MALRD1: variants seen among roughly 807,000 people sequenced by gnomAD.
MALRD1 encodes the protein MAM and LDL receptor class A domain containing 1.
A neutral mutation model predicts 242.1 loss-of-function variants in MALRD1; 247 were observed. The observed-to-expected ratio is 1.02, with a 90% CI of 0.92 to 1.13. The LOEUF (loss-of-function observed/expected upper bound fraction) is 1.13. Among genes scored for constraint, MALRD1 ranks in the 50% most tolerant of loss-of-function variants. The pLI is 0.00. For synonymous variants in MALRD1, 995 were observed against 866.6 expected (o/e 1.15, Z -2.60); for missense variants, 2,989 against 2,533.1 (o/e 1.18, Z -3.86).
At chr10:19,348,834 G>C (rs899076793) in intron 25 of MALRD1, among the ~76,000 whole-genome samples, 1 of 152,146 alleles carries the variant, frequency 6.6e-6, no homozygotes, top group Non-Finnish European at 1.5e-5. Context: ...ACAAGAGATG[G>C]ATACAGAAAT....
chr10:19,681,857 AC>A (rs1243288509), intron 36 of MALRD1, among the ~76,000 whole-genome samples: 2 of 89,356 alleles, frequency 2.2e-5, no homozygotes, highest in Non-Finnish European at 4.0e-5. Flanking sequence ...GGGGAATGTC[AC>A]TTTTTTTTTT....
intron 36 of MALRD1, among the ~76,000 whole-genome samples, chr10:19,685,763 A>C (rs565467957): frequency 6.6e-6 from 1 of 152,302 alleles, no homozygotes; most frequent in East Asian, 1.9e-4. Flanking sequence ...CCTGTTTTAC[A>C]TCAGAGTTGG....
At chr10:19,425,114 CTT>C (rs1833858054) in intron 28 of MALRD1, among the ~76,000 whole-genome samples, 1 of 151,976 alleles carries the variant, frequency 6.6e-6, no homozygotes, top group South Asian at 2.1e-4. Context: ...CATTTTTTCT[CTT>C]TTTGTCTTCC....
intron 12 of MALRD1, among the ~76,000 whole-genome samples, chr10:19,159,858 T>C (rs1452110999): frequency 6.6e-6 from 1 of 152,052 alleles, no homozygotes; most frequent in Admixed American, 6.6e-5. Flanking sequence ...TGTTATTTCC[T>C]TTGGTAGTAA....
At chr10:19,700,589 A>T (rs540638106) in intron 38 of MALRD1, among the ~76,000 whole-genome samples, 1 of 152,314 alleles carries the variant, frequency 6.6e-6, no homozygotes, top group Non-Finnish European at 1.5e-5. Flanking sequence ...GAGTGACTCA[A>T]GTCTTGGTCT....
intron 19 of MALRD1, among the ~76,000 whole-genome samples, chr10:19,269,055 C>T (rs1279707338): frequency 2.0e-5 from 3 of 152,150 alleles, no homozygotes; most frequent in Non-Finnish European, 2.9e-5. Flanking sequence ...TTTGTTTCAT[C>T]GGCAAAGATT....
chr10:19,439,537 C>CA (rs11353528), intron 28 of MALRD1, among the ~76,000 whole-genome samples: 9 of 150,568 alleles, frequency 6.0e-5, no homozygotes, highest in Admixed American at 3.3e-4. Flanking sequence ...GACCCTGTCT[C>CA]AAAAAAAAAG....
At position 19,615,903 on chromosome 10, in the gene MALRD1, GA is replaced by G; in HGVS notation, c.6122del (p.Asn2041MetfsTer42). The G allele has an allele frequency of 1.3e-6, 2 of 1,530,836 alleles. No individual in the cohort carries two copies. The highest frequency in any genetic ancestry group is 1.7e-6 in the Non-Finnish European group (2 of 1,143,838). 94.8% of individuals were successfully genotyped at this position (1,530,836 alleles called of 1,614,324 possible). Reference sequence around the variant, plus strand: ...GAAATGGTGGGACTTGTGTAGTGGAGAAAAATGGTCCTATGTGTCGGTAAGA... The same window carrying G: ...GAAATGGTGGGACTTGTGTAGTGGAGAAAATGGTCCTATGTGTCGGTAAGA... ...CRNGGTCVVE[K>X]NGPMCRCRQG... On this transcript the variant is annotated frameshift_variant, in exon 36 of 40. Transcript: ENST00000454679. LOFTEE classifies it high-confidence loss of function.
At chr10:19,699,246 G>A (rs1468144909) in intron 38 of MALRD1, among the ~76,000 whole-genome samples, 1 of 148,882 alleles carries the variant, frequency 6.7e-6, no homozygotes, top group African/African-American at 2.6e-5. Flanking sequence ...GGTGTAATAT[G>A]TACCTGGGAA....
chr10:19,169,395 CAT>C (rs1473299661), intron 13 of MALRD1, among the ~76,000 whole-genome samples: 1 of 152,132 alleles, frequency 6.6e-6, no homozygotes, highest in African/African-American at 2.4e-5. Context: ...ATATTTAATA[CAT>C]GAGTATTGCA....
At chr10:19,623,197 C>T (rs987761174) in intron 36 of MALRD1, among the ~76,000 whole-genome samples, 3 of 151,660 alleles carry the variant, frequency 2.0e-5, no homozygotes, top group African/African-American at 4.8e-5. Flanking sequence ...AAAAATACCA[C>T]CAAAAGCAAT....
chr10:19,582,002 T>C (rs1837152106), intron 33 of MALRD1, among the ~76,000 whole-genome samples: 1 of 152,264 alleles, frequency 6.6e-6, no homozygotes, highest in African/African-American at 2.4e-5. Flanking sequence ...ATGTGTTTTT[T>C]GGCTGCATAA....
At chr10:19,124,841 T>G (rs1239102314) in intron 7 of MALRD1, among the ~76,000 whole-genome samples, 171 bp downstream of exon 7, 1 of 151,550 alleles carries the variant, frequency 6.6e-6, no homozygotes, top group Non-Finnish European at 1.5e-5. Context: ...TTTCCAACAG[T>G]GTAAAACAAG....
At chr10:19,723,418 A>G (rs1408671115) in intron 38 of MALRD1, among the ~76,000 whole-genome samples, 1 of 152,076 alleles carries the variant, frequency 6.6e-6, no homozygotes, top group African/African-American at 2.4e-5. Context: ...ATTCCCTTTC[A>G]CTTAAAAAAA....
chr10:19,670,585 C>T (rs182038444), intron 36 of MALRD1, among the ~76,000 whole-genome samples: 21 of 152,266 alleles, frequency 1.4e-4, no homozygotes, highest in Admixed American at 4.6e-4. Flanking sequence ...CCAACAGATT[C>T]GTCTTATTCA....
intron 14 of MALRD1, among the ~76,000 whole-genome samples, chr10:19,187,833 C>G (rs1835805723): frequency 6.6e-6 from 1 of 152,078 alleles, no homozygotes. Context: ...GGGTAGGTTT[C>G]AAAACTACCT....
At chr10:19,356,440 A>G (rs906617268) in intron 26 of MALRD1, among the ~76,000 whole-genome samples, 1 of 152,126 alleles carries the variant, frequency 6.6e-6, no homozygotes, top group Non-Finnish European at 1.5e-5. Context: ...TTACTTTTAC[A>G]TTTTCTAATA....
intron 36 of MALRD1, among the ~76,000 whole-genome samples, chr10:19,617,983 C>A (rs560609899): frequency 1.3e-5 from 2 of 152,036 alleles, no homozygotes; most frequent in African/African-American, 4.8e-5. Flanking sequence ...TTTCTTCCAC[C>A]CTCCATGCTT....
chr10:19,179,727 G>C (rs940622167), intron 14 of MALRD1, among the ~76,000 whole-genome samples: 1 of 151,878 alleles, frequency 6.6e-6, no homozygotes, highest in Admixed American at 6.6e-5. Flanking sequence ...TCTTATTATC[G>C]TAAGCAGTTG....
Sources: gnomAD v4.1 joint callset for allele counts (sites outside exome capture counted in the v4.1 genomes callset) on GRCh38, gnomAD v4.1.1 for gene constraint, MANE v1.5 for transcripts, NCBI Gene and HGNC (gene_info 2026-07-23, HGNC 2026-07-21) for gene names.